Variants in RPS19 observed in about 807,000 individuals in gnomAD.
RPS19 encodes small ribosomal subunit protein eS19.
Under a neutral mutation model 20.3 loss-of-function variants are expected in RPS19, and 1 was observed. The observed-to-expected ratio is 0.05, with a 90% CI of 0.02 to 0.23. The LOEUF is 0.23. RPS19 is among the 10% of genes least tolerant of loss of function. The pLI, the probability that RPS19 is intolerant of heterozygous loss-of-function variation, is 1.00. For missense variants in RPS19, 111 were observed against 192.7 expected (o/e 0.58, Z 2.51); for synonymous variants, 87 against 74.8 (o/e 1.16, Z -0.84).
chr19:41,860,732 T>C, intron 1 of RPS19, 43 bp from the exon 2 acceptor site: 2 of 1,448,484 alleles, frequency 1.4e-6, no homozygotes, highest in Non-Finnish European at 1.9e-6. Context: ...TTGGCAGTCG[T>C]CTCTGCCAGG....
intron 4 of RPS19, 44 bp from the exon 5 acceptor site, chr19:41,869,655 G>A: frequency 5.6e-6 from 9 of 1,605,386 alleles, no homozygotes; most frequent in Non-Finnish European, 7.7e-6. Flanking sequence ...CTGAGAACAG[G>A]ACCTGTGCTC....
chr19:41,865,019 G>A (rs2074070222), intron 3 of RPS19: 1 of 152,200 alleles, frequency 6.6e-6, no homozygotes, highest in South Asian at 2.1e-4. Context: ...AACTGGGATA[G>A]CAAGGGAGGA....
At chr19:41,871,207 C>T in intron 5 of RPS19, 144 bp from the exon 6 acceptor site, 1 of 782,618 alleles carries the variant, frequency 1.3e-6, no homozygotes, top group Non-Finnish European at 2.3e-6. Context: ...TGGGGGAATA[C>T]CCACAGTGAG....
At chr19:41,860,494 G>T in intron 1 of RPS19, 1 of 488,198 alleles carries the variant, frequency 2.0e-6, no homozygotes, top group South Asian at 2.1e-5. Context: ...GCAGCGGCGG[G>T]GTGCGTGGGG....
Position 41,869,174 on chromosome 19 carries a change from G to A in RPS19, c.316G>A (p.Ala106Thr), listed in dbSNP as rs559197158. ...GAGTGTGGCCCGCCGGGTCCTCCAA[G>A]CCCTGGAGGGGCTGAAAATGGTGGA... ...SKSVARRVLQ[A>T]LEGLKMVEKD... The change falls in exon 4 of 6, where the codon GCC becomes ACC. Residue 106 changes from alanine (A) to threonine (T), a missense_variant. Physicochemically the swap from Ala to Thr is moderately conservative, Grantham distance 58 (BLOSUM62 0). Coordinates refer to ENST00000598742, the MANE Select transcript of RPS19 (RefSeq NM_001022.4). The A allele has an allele frequency of 3.1e-6, 5 of 1,613,964 alleles. No homozygotes were observed. The highest frequency in any genetic ancestry group is 2.2e-5 in the South Asian group (2 of 91,070).
At chr19:41,867,550 G>A (rs1555840966) in intron 3 of RPS19, among the ~76,000 whole-genome samples, 1 of 152,190 alleles carries the variant, frequency 6.6e-6, no homozygotes. Context: ...GACCTCAGGT[G>A]ATTCTCCCGC....
rs1384505153 is a variant in RPS19 at position 41,860,266 on chromosome 19, G to A, written c.-24G>A. ...GAAACCCCGTCGTTCCCTTTCCCCTGGCTGGCAGCGCGGAGGCCGCACGGT... is the reference window on the plus strand; with the variant it reads ...GAAACCCCGTCGTTCCCTTTCCCCTAGCTGGCAGCGCGGAGGCCGCACGGT... On this transcript the variant is annotated 5_prime_UTR_variant, in exon 1 of 6. Transcript: ENST00000598742. 6.5e-6 allele frequency: 1 copy of A among 153,122 alleles called. No individual in the cohort carries two copies. The highest frequency in any genetic ancestry group is 1.5e-5 in the Non-Finnish European group (1 of 68,348). The allele number at this position is 153,122 out of a possible 1,614,324, so 9.5% of individuals were successfully genotyped here.
chr19:41,869,786 C>T, intron 5 of RPS19, 33 bp downstream of exon 5: 2 of 1,605,704 alleles, frequency 1.2e-6, no homozygotes, highest in Non-Finnish European at 1.7e-6. Context: ...GGCTGGGTCC[C>T]TTAGTCGCTG....
In RPS19 at chr19:41,860,762, C is replaced by T. The variant is rs200634600; in HGVS notation, c.1-13C>T. The T allele has an allele frequency of 2.1e-4, 334 of 1,609,646 alleles. 2 individuals carry two copies. The East Asian group carries it at 6.8e-3, about 33-fold the overall frequency. ...GCCAGGCCTGTGTTCACATGCTTGA[C>T]TTTCTCCCTCAGATGCCTGGAGTTA... On this transcript the variant is annotated splice_polypyrimidine_tract_variant and intron_variant, in intron 1 of 5. Coordinates refer to ENST00000598742, the MANE Select transcript of RPS19 (RefSeq NM_001022.4).
In RPS19 at chr19:41,869,691, C is replaced by T. The variant is rs369010585; in HGVS notation, c.357-8C>T. ...ACTGGGGCCTGCATGACCCTTCCCT[C>T]CCCACAGCGGCCGCAAACTGACACC... On this transcript the variant is annotated splice_polypyrimidine_tract_variant and splice_region_variant and intron_variant, in intron 4 of 5. Coordinates refer to ENST00000598742, the MANE Select transcript of RPS19 (RefSeq NM_001022.4). 1.9e-6 allele frequency: 3 copies of T among 1,613,878 alleles called. No individual in the cohort carries two copies. The highest frequency in any genetic ancestry group is 1.1e-5 in the South Asian group (1 of 91,080).
chr19:41,861,082 A>G, intron 2 of RPS19, 30 bp from the exon 3 acceptor site: 1 of 1,558,770 alleles, frequency 6.4e-7, no homozygotes, highest in Non-Finnish European at 8.8e-7. Flanking sequence ...AGATGACTGA[A>G]TCGTGCTTTT....
At chr19:41,865,970 AAG>A (rs2074083152) in intron 3 of RPS19, among the ~76,000 whole-genome samples, 1 of 98,164 alleles carries the variant, frequency 1.0e-5, no homozygotes, top group Non-Finnish European at 2.1e-5. Flanking sequence ...AAAAAAAAAA[AAG>A]GCCGGGCGCG....
chr19:41,860,957 T>C, intron 2 of RPS19, 112 bp downstream of exon 2: 1 of 1,155,120 alleles, frequency 8.7e-7, no homozygotes, highest in East Asian at 2.3e-5. Context: ...GGGGCCTCCG[T>C]GGCTCCTTTC....
rs963010327 is a variant in RPS19, at chr19:41,872,917, T to C, written c.*1540T>C. On this transcript the variant is annotated 3_prime_UTR_variant, in exon 6 of 6. Transcript: ENST00000598742. ...TTCAAAAAAAGAATCAATAAAAATG[T>C]TAAAAGCACCGTTGTTTACACTCAG... The C allele has an allele frequency of 2.1e-5, 3 of 145,456 alleles. No individual in the cohort carries two copies. Among genetic ancestry groups the C allele is most frequent in the South Asian group, 4.2e-4 (2 of 4,810 alleles). The allele number at this position is 145,456 out of a possible 1,614,324, so 9.0% of individuals were successfully genotyped here. A position where few individuals can be genotyped will look rare whatever the true frequency, so the allele number is the denominator to read the frequency against.
chr19:41,867,884 T>C (rs183596481), intron 3 of RPS19, among the ~76,000 whole-genome samples: 337 of 152,296 alleles, frequency 2.2e-3, no homozygotes, highest in African/African-American at 7.9e-3. Flanking sequence ...TTTTTTCCCC[T>C]AAATATTTTT....
At chr19:41,860,673 A>C (rs1197211856) in intron 1 of RPS19, 102 bp from the exon 2 acceptor site, 1 of 924,956 alleles carries the variant, frequency 1.1e-6, no homozygotes, top group African/African-American at 1.6e-5. Context: ...GGGGGGTACC[A>C]CGGTTTAGGA....
At chr19:41,863,430 GAGGGCTTGGC>G (rs2074053496) in intron 3 of RPS19, among the ~76,000 whole-genome samples, 1 of 152,206 alleles carries the variant, frequency 6.6e-6, no homozygotes, top group Non-Finnish European at 1.5e-5. Flanking sequence ...GTTACCCTGG[GAGGGCTTGGC>G]AGGGTGGCTC....
intron 5 of RPS19, among the ~76,000 whole-genome samples, chr19:41,871,120 T>A (rs1185432887): frequency 6.6e-6 from 1 of 151,920 alleles, no homozygotes; most frequent in Non-Finnish European, 1.5e-5. Context: ...GCCTCGGCCT[T>A]CCAGAGTGCT....
In RPS19 at chr19:41,860,997, C is replaced by A. The variant is rs1555839123; in HGVS notation, c.72-115C>A. The A allele has an allele frequency of 3.6e-6, 4 of 1,117,194 alleles. No individual in the cohort carries two copies. The East Asian group carries it at 9.5e-5, about 26-fold the overall frequency. The allele number at this position is 1,117,194 out of a possible 1,614,324, so 69.2% of individuals were successfully genotyped here. A position where few individuals can be genotyped will look rare whatever the true frequency, so the allele number is the denominator to read the frequency against. Reference sequence around the variant, plus strand: ...TGAGGCCTGGCTTGTGTTCCGGTTCCAGCCTCTCTTTGTACTCTGGGCACA... The same window carrying A: ...TGAGGCCTGGCTTGTGTTCCGGTTCAAGCCTCTCTTTGTACTCTGGGCACA... On this transcript the variant is annotated intron_variant, in intron 2 of 5. Coordinates refer to ENST00000598742, the MANE Select transcript of RPS19 (RefSeq NM_001022.4).
Sources: allele counts gnomAD v4.1 joint callset (sites outside exome capture counted in the v4.1 genomes callset), GRCh38; gene constraint gnomAD v4.1.1; transcripts MANE v1.5; gene names NCBI Gene and HGNC (gene_info 2026-07-23, HGNC 2026-07-21).